The following MBNL3 variants were observed in gnomAD, a reference collection of about 807,000 sequenced individuals.
The protein encoded by MBNL3 is muscleblind-like protein 3.
In MBNL3, 6 loss-of-function variants were observed where a neutral mutation model predicts 24.5. The observed-to-expected ratio is 0.25, with a 90% CI of 0.13 to 0.48. MBNL3 has a LOEUF of 0.48. Among genes scored for constraint, MBNL3 ranks in the 20% least tolerant of loss-of-function variants. The pLI is 0.99. For synonymous variants in MBNL3, 100 were observed against 101.7 expected (o/e 0.98, Z 0.10); for missense variants, 230 against 293.5 (o/e 0.78, Z 1.58).
At chrX:132,395,445 A>G (rs936664592) in intron 3 of MBNL3, among the ~76,000 whole-genome samples, 9 of 112,048 alleles carry the variant, frequency 8.0e-5, no homozygotes, top group African/African-American at 2.9e-4. Context: ...TGTTTCAGAT[A>G]TTTAAATTCC....
chrX:132,486,985 A>T (rs1416171261), intron 1 of MBNL3, among the ~76,000 whole-genome samples: 1 of 107,749 alleles, frequency 9.3e-6, no homozygotes, highest in East Asian at 2.9e-4. Flanking sequence ...CTCTCAAAAC[A>T]TTTTTTTTTT....
At chrX:132,438,173 T>TA (rs1945216855) in intron 2 of MBNL3, among the ~76,000 whole-genome samples, 1 of 112,157 alleles carries the variant, frequency 8.9e-6, no homozygotes, top group African/African-American at 3.2e-5. Context: ...CAAAATTATT[T>TA]AAAATATTGT....
At chrX:132,408,780 A>C (rs1004643399) in intron 2 of MBNL3, among the ~76,000 whole-genome samples, 3 of 112,389 alleles carry the variant, frequency 2.7e-5, no homozygotes, top group Non-Finnish European at 5.6e-5. Context: ...AATTATATCA[A>C]GTTGGGCTAT....
chrX:132,433,766 C>T lies in MBNL3; in HGVS notation c.177+5669G>A, dbSNP rs768935401. On this transcript the variant is annotated intron_variant, in intron 2 of 8. Transcript: ENST00000370853. ...TCCCCACCCCCGGGACCTCCCTGCCCTCATCTCCCACTGCCCTCCCCCTTC... is the reference window on the plus strand; with the variant it reads ...TCCCCACCCCCGGGACCTCCCTGCCTTCATCTCCCACTGCCCTCCCCCTTC... 3.3e-3 allele frequency among the ~76,000 whole-genome samples: 370 copies of T among 111,665 alleles called. 1 individual carries two copies. Among genetic ancestry groups the T allele is most frequent in the African/African-American group, 0.011 (345 of 30,736 alleles).
intron 2 of MBNL3, among the ~76,000 whole-genome samples, chrX:132,418,820 T>G (rs1199474876): frequency 8.9e-6 from 1 of 112,740 alleles, no homozygotes; most frequent in East Asian, 2.8e-4. Flanking sequence ...TTGCCCAGGC[T>G]GGAGTGCAGT....
At chrX:132,406,434 C>A (rs368988485) in intron 2 of MBNL3, 42 bp from the exon 3 acceptor site, 2 of 1,104,613 alleles carry the variant, frequency 1.8e-6, no homozygotes, top group Non-Finnish European at 1.2e-6. Flanking sequence ...TAAAACTATA[C>A]ACAAATAGAT....
At position 132,454,478 on chromosome X, in the gene MBNL3, T is replaced by C. The variant is rs182342194; in HGVS notation, c.-703-14164A>G. ...TTACCTGAGTTCATCACTGGCATTA[T>C]AGCCAATAAATTCAGATTCTCAATC... On this transcript the variant is annotated intron_variant, in intron 1 of 8. Transcript: ENST00000370853. 4.1e-3 allele frequency among the ~76,000 whole-genome samples: 455 copies of C among 111,975 alleles called. 2 individuals are homozygous for C. Among genetic ancestry groups the C allele is most frequent in the African/African-American group, 0.014 (438 of 30,799 alleles).
intron 5 of MBNL3, among the ~76,000 whole-genome samples, chrX:132,390,581 T>C (rs1937028863): frequency 9.0e-6 from 1 of 111,572 alleles, no homozygotes; most frequent in African/African-American, 3.3e-5. Context: ...CTGTTTAAAT[T>C]ATATAATTTA....
At chrX:132,416,485 C>T (rs760487237) in intron 2 of MBNL3, among the ~76,000 whole-genome samples, 1 of 111,462 alleles carries the variant, frequency 9.0e-6, no homozygotes, top group East Asian at 2.8e-4. Flanking sequence ...GTACAAAATA[C>T]AATTACGTAG....
chrX:132,445,439 A>C (rs1270307559), intron 1 of MBNL3, among the ~76,000 whole-genome samples: 1 of 111,236 alleles, frequency 9.0e-6, no homozygotes, highest in Non-Finnish European at 1.9e-5. Context: ...TCTTCTGTCC[A>C]GAAAAAAAAA....
In MBNL3 at chrX:132,372,989, A is replaced by C. The variant is rs1422899596; in HGVS notation, c.*6677T>G. ...AGAAGAGCTGGAAACTGCACAAATT[A>C]GTCAAACTAAATATTTTCTTGAGGT... On this transcript the variant is annotated 3_prime_UTR_variant, in exon 9 of 9. Coordinates refer to ENST00000370853, the MANE Select transcript of MBNL3 (RefSeq NM_001386889.1). 1 of 110,958 alleles carries C rather than the reference A, an allele frequency of 9.0e-6. No homozygotes were observed. The highest frequency in any genetic ancestry group is 9.7e-5 in the Admixed American group (1 of 10,361). 9.1% of individuals were successfully genotyped at this position (110,958 alleles called of 1,213,427 possible).
intron 1 of MBNL3, among the ~76,000 whole-genome samples, chrX:132,484,523 G>A (rs1947900739): frequency 9.0e-6 from 1 of 111,525 alleles, no homozygotes; most frequent in Non-Finnish European, 1.9e-5. Context: ...GCAATGCCAA[G>A]AAGCTCAGGA....
At position 132,375,826 on chromosome X, in the gene MBNL3, T is replaced by G. The variant is rs1468798410; in HGVS notation, c.*3840A>C. The G allele has an allele frequency of 9.0e-6, 1 of 111,585 alleles. No individual in the cohort carries two copies. Among genetic ancestry groups the G allele is most frequent in the Non-Finnish European group, 1.9e-5 (1 of 52,976 alleles). 9.2% of individuals were successfully genotyped at this position (111,585 alleles called of 1,213,427 possible). On this transcript the variant is annotated 3_prime_UTR_variant, in exon 9 of 9. Coordinates refer to ENST00000370853, the MANE Select transcript of MBNL3 (RefSeq NM_001386889.1). ...TACAGACTAAAGGAACTCGGAAAAC[T>G]TGTGGCTGCATTTTACCTAAGAGCA...
intron 1 of MBNL3, among the ~76,000 whole-genome samples, chrX:132,482,833 G>T (rs1376027709): frequency 3.6e-5 from 4 of 112,283 alleles, no homozygotes; most frequent in Non-Finnish European, 5.6e-5. Flanking sequence ...GCTTCAGAAA[G>T]CGAGCAGAGT....
At chrX:132,437,174 T>A (rs1322095256) in intron 2 of MBNL3, among the ~76,000 whole-genome samples, 1 of 111,713 alleles carries the variant, frequency 9.0e-6, no homozygotes, top group Non-Finnish European at 1.9e-5. Flanking sequence ...CCTGAGTTTA[T>A]TAATGATTAG....
chrX:132,451,372 G>A (rs1404160151), intron 1 of MBNL3, among the ~76,000 whole-genome samples: 1 of 112,129 alleles, frequency 8.9e-6, no homozygotes, highest in Non-Finnish European at 1.9e-5. Flanking sequence ...CCTGCCCAGA[G>A]AGGAGGAATC....
At chrX:132,425,555 T>A (rs1172184773) in intron 2 of MBNL3, among the ~76,000 whole-genome samples, 1 of 111,547 alleles carries the variant, frequency 9.0e-6, no homozygotes, top group Non-Finnish European at 1.9e-5. Context: ...GAACAAGAGT[T>A]CTTTATTAAA....
chrX:132,476,590 ACT>A (rs1947450696), intron 1 of MBNL3, among the ~76,000 whole-genome samples: 1 of 111,495 alleles, frequency 9.0e-6, no homozygotes, highest in Non-Finnish European at 1.9e-5. Flanking sequence ...AACAAAACAA[ACT>A]CACCTGTCAA....
rs752062938 is a variant in MBNL3 at position 132,392,611 on chromosome X, T to A, written c.343-277A>T. On this transcript the variant is annotated intron_variant, in intron 3 of 8. Coordinates refer to ENST00000370853, the MANE Select transcript of MBNL3 (RefSeq NM_001386889.1). ...TATCCAAATTAAATCTCACTGCTAG[T>A]CTGTTCCAAATGTGTTTCCTCCAAC... 3.6e-5 allele frequency among the ~76,000 whole-genome samples: 4 copies of A among 112,596 alleles called. No individual in the cohort carries two copies. The South Asian group carries it at 1.5e-3, about 41-fold the overall frequency.
Sources: allele counts gnomAD v4.1 joint callset (sites outside exome capture counted in the v4.1 genomes callset), GRCh38; gene constraint gnomAD v4.1.1; transcripts MANE v1.5; gene names NCBI Gene and HGNC (gene_info 2026-07-23, HGNC 2026-07-21).